LCK: variants seen among roughly 807,000 people sequenced by gnomAD.
LCK encodes LCK proto-oncogene, Src family tyrosine kinase.
A neutral mutation model predicts 64.6 loss-of-function variants in LCK; 14 were observed. The observed-to-expected ratio is 0.22, with a 90% CI of 0.14 to 0.34. The LOEUF (loss-of-function observed/expected upper bound fraction) is 0.34, where lower values mean the gene tolerates loss of function less well. Ranked by LOEUF, LCK falls within the 10% of genes least tolerant of loss-of-function variation. The pLI is 1.00. For synonymous variants in LCK, 277 were observed against 263.6 expected (o/e 1.05, Z -0.49); for missense variants, 434 against 668.1 (o/e 0.65, Z 3.86).
Position 32,275,829 on chromosome 1 carries a change from C to A in LCK, c.482-85C>A. The A allele has an allele frequency of 6.5e-7, 1 of 1,529,232 alleles. No homozygotes were observed. Among genetic ancestry groups the A allele is most frequent in the Non-Finnish European group, 8.9e-7 (1 of 1,127,936 alleles). 94.7% of individuals were successfully genotyped at this position (1,529,232 alleles called of 1,614,324 possible). On this transcript the variant is annotated intron_variant, in intron 6 of 12. Coordinates refer to ENST00000336890, the MANE Select transcript of LCK (RefSeq NM_005356.5). The surrounding 1 kb of genome is among the most constrained non-coding windows in gnomAD (Gnocchi z 6.9). ...GCGGGATGACCCGGAGTTGGGGGTGCTGGGTGAGCCCAAGGTGGGGGCGCG... is the reference window on the plus strand; with the variant it reads ...GCGGGATGACCCGGAGTTGGGGGTGATGGGTGAGCCCAAGGTGGGGGCGCG...
intron 12 of LCK, among the ~76,000 whole-genome samples, chr1:32,280,706 C>T (rs954972604): frequency 3.3e-5 from 5 of 152,012 alleles, no homozygotes; most frequent in East Asian, 1.9e-4. Context: ...TGGCCTGCCT[C>T]GGCCTCCCAG....
intron 1 of LCK, among the ~76,000 whole-genome samples, chr1:32,271,663 CA>C (rs1392477111): frequency 6.6e-6 from 1 of 152,182 alleles, no homozygotes; most frequent in African/African-American, 2.4e-5. Flanking sequence ...CACTTTATCT[CA>C]AAAATAAATC....
At chr1:32,273,929 C>T (rs568250327) in intron 1 of LCK, among the ~76,000 whole-genome samples, 2 of 152,176 alleles carry the variant, frequency 1.3e-5, no homozygotes, top group South Asian at 4.1e-4. Context: ...TCTGATAAGT[C>T]AGGTCTCTCC....
rs754552529 is a variant in LCK, at chr1:32,273,976, G to A, written c.-5-349G>A. On this transcript the variant is annotated intron_variant, in intron 1 of 12. Transcript: ENST00000336890. The stretch of plus-strand genomic sequence containing the variant: ...AAGTGTGTGTCATCTCTAGGAGGTG[G>A]TCCTCCCAACACAGGGTACTGGCAG... The A allele has an allele frequency of 4.4e-4, 149 of 337,872 alleles. 2 individuals carry two copies. The highest frequency in any genetic ancestry group is 2.0e-3 in the Middle Eastern group (2 of 1,024). 20.9% of individuals were successfully genotyped at this position (337,872 alleles called of 1,614,324 possible).
rs1421820342 is a variant in LCK at position 32,275,553 on chromosome 1, C to T, written c.378-16C>T. On this transcript the variant is annotated splice_polypyrimidine_tract_variant and intron_variant, in intron 5 of 12. Transcript: ENST00000336890. This position sits in a 1 kb window ranked among gnomAD's most constrained non-coding sequence, Gnocchi z 6.9. Reference sequence around the variant, plus strand: ...GACGACAGCCGACGGCCTTCGTTCGCTTCCGCCCTGCACAGCTGGTTCTTC... The same window carrying T: ...GACGACAGCCGACGGCCTTCGTTCGTTTCCGCCCTGCACAGCTGGTTCTTC... 3 of 1,562,944 alleles carry T rather than the reference C, an allele frequency of 1.9e-6. No individual in the cohort carries two copies. Among genetic ancestry groups the T allele is most frequent in the East Asian group, 2.4e-5 (1 of 42,006 alleles).
In LCK at chr1:32,275,042, T is replaced by A. The variant is rs1227459328; in HGVS notation, c.237T>A (p.Asp79Glu). 2 of 1,613,894 alleles carry A rather than the reference T, an allele frequency of 1.2e-6. No individual in the cohort carries two copies. The highest frequency in any genetic ancestry group is 2.2e-5 in the East Asian group (1 of 44,882). Residue 79 changes from aspartate (D) to glutamate (E), a missense_variant, in exon 4 of 13, where the codon GAT (aspartate) becomes GAA (glutamate). Transcript: ENST00000336890. This position sits in a 1 kb window ranked among gnomAD's most constrained non-coding sequence, Gnocchi z 6.9. Reference sequence around the variant, plus strand: ...GCTATGAGCCCTCTCACGACGGAGATCTGGGCTTTGAGAAGGGGGAACAGC... The same window carrying A: ...GCTATGAGCCCTCTCACGACGGAGAACTGGGCTTTGAGAAGGGGGAACAGC... ...LHSYEPSHDG[D>E]LGFEKGEQLR...
chr1:32,263,930 A>G (rs984583406), intron 1 of LCK, among the ~76,000 whole-genome samples: 6 of 151,896 alleles, frequency 4.0e-5, no homozygotes, highest in Non-Finnish European at 8.8e-5. Context: ...AAAAAAAAAG[A>G]AGAAGACCGG....
At chr1:32,274,711 C>G (rs1250173637) in intron 2 of LCK, 26 bp from the exon 3 acceptor site, 1 of 1,540,854 alleles carries the variant, frequency 6.5e-7, no homozygotes, top group African/African-American at 1.4e-5. Flanking sequence ...TGCTTTCTGA[C>G]CCCACCCTCA....
chr1:32,285,803 T>C lies in LCK; in HGVS notation c.*87T>C, dbSNP rs1244719527. 19 of 1,339,146 alleles carry C rather than the reference T, an allele frequency of 1.4e-5. No individual in the cohort carries two copies. The highest frequency in any genetic ancestry group is 1.9e-5 in the Non-Finnish European group (18 of 961,734). 83.0% of individuals were successfully genotyped at this position (1,339,146 alleles called of 1,614,324 possible). On this transcript the variant is annotated 3_prime_UTR_variant, in exon 13 of 13. Coordinates refer to ENST00000336890, the MANE Select transcript of LCK (RefSeq NM_005356.5). The stretch of plus-strand genomic sequence containing the variant: ...GTTCTTGTGCCATAGTCACATGGCC[T>C]ATGCACATATGGACTCTGCACATGA...
At chr1:32,264,881 A>C (rs1024308740) in intron 1 of LCK, among the ~76,000 whole-genome samples, 5 of 152,064 alleles carry the variant, frequency 3.3e-5, no homozygotes, top group African/African-American at 1.2e-4. Context: ...TACAGGTGTG[A>C]GTCACTGCAC....
intron 1 of LCK, among the ~76,000 whole-genome samples, chr1:32,252,636 T>C (rs1639535223): frequency 6.6e-6 from 1 of 152,130 alleles, no homozygotes; most frequent in Non-Finnish European, 1.5e-5. Context: ...CACCCAGCCC[T>C]ATGCTGACAG....
chr1:32,261,407 G>C (rs1639765306), intron 1 of LCK, among the ~76,000 whole-genome samples: 1 of 151,644 alleles, frequency 6.6e-6, no homozygotes, highest in South Asian at 2.1e-4. Flanking sequence ...CAGCACTTTG[G>C]GAGGCCGAGG....
At position 32,276,744 on chromosome 1, in the gene LCK, A is replaced by C; in HGVS notation, c.922A>C (p.Thr308Pro). The C allele has an allele frequency of 6.2e-7, 1 of 1,613,254 alleles. No individual in the cohort carries two copies. Among genetic ancestry groups the C allele is most frequent in the Non-Finnish European group, 8.5e-7 (1 of 1,179,578 alleles). The change falls in exon 9 of 13, where the codon ACC (threonine) becomes CCC (proline). Residue 308 changes from threonine (T) to proline (P), a missense_variant. This residue lies in a region of LCK where 201 missense variants were observed against 376.9 expected (regional missense o/e 0.53). Transcript: ENST00000336890. This position sits in a 1 kb window ranked among gnomAD's most constrained non-coding sequence, Gnocchi z 4.6. ...GCTGGTTCGGCTCTACGCTGTGGTC[A>C]CCCAGGAGCCCATCTACATCATCAC... ...QRLVRLYAVV[T>P]QEPIYIITEY...
rs749517753 is a variant in LCK, at chr1:32,275,422, A to G, written c.377+3A>G. 6.2e-7 allele frequency: 1 copy of G among 1,613,762 alleles called. No homozygotes were observed. The highest frequency in any genetic ancestry group is 8.5e-7 in the Non-Finnish European group (1 of 1,179,860). On this transcript the variant is annotated splice_donor_region_variant and intron_variant, in intron 5 of 12. Coordinates refer to ENST00000336890, the MANE Select transcript of LCK (RefSeq NM_005356.5). The surrounding 1 kb of genome is among the most constrained non-coding windows in gnomAD (Gnocchi z 6.9). The stretch of plus-strand genomic sequence containing the variant: ...GCGAACAGCCTGGAGCCCGAACCGT[A>G]AGTGGGGACCCGTCGTGGGGGTGGG...
intron 1 of LCK, among the ~76,000 whole-genome samples, chr1:32,263,929 G>C (rs932781651): frequency 1.3e-5 from 2 of 151,340 alleles, no homozygotes; most frequent in Admixed American, 6.6e-5. Context: ...AAAAAAAAAA[G>C]AAGAAGACCG....
In LCK at chr1:32,274,451, G is replaced by C. The variant is rs759101218; in HGVS notation, c.105+17G>C. ...AAGGGCACGGTAAGAGGCGAGACAG[G>C]GGCCTTGGTGAGGGAGTTGGGTAGA... On this transcript the variant is annotated intron_variant, in intron 2 of 12. Coordinates refer to ENST00000336890, the MANE Select transcript of LCK (RefSeq NM_005356.5). 2 of 1,594,104 alleles carry C rather than the reference G, an allele frequency of 1.3e-6. No homozygotes were observed. The highest frequency in any genetic ancestry group is 8.6e-7 in the Non-Finnish European group (1 of 1,166,456).
intron 12 of LCK, among the ~76,000 whole-genome samples, chr1:32,284,144 A>G (rs1331909489): frequency 2.0e-5 from 3 of 150,724 alleles, no homozygotes; most frequent in Non-Finnish European, 4.4e-5. Context: ...TGGCCTCCCA[A>G]AGTGTTGGGA....
chr1:32,260,886 T>C (rs976871468), intron 1 of LCK, among the ~76,000 whole-genome samples: 2 of 152,108 alleles, frequency 1.3e-5, no homozygotes, highest in Admixed American at 6.6e-5. Context: ...CCTTCCAAAA[T>C]GTTGAGATTA....
intron 1 of LCK, among the ~76,000 whole-genome samples, chr1:32,268,813 CAAAA>C (rs1203257987): frequency 5.6e-5 from 3 of 53,276 alleles, no homozygotes; most frequent in Non-Finnish European, 7.8e-5. Flanking sequence ...AACTCCGTCT[CAAAA>C]AAAAAAAAAA....
Sources: allele counts gnomAD v4.1 joint callset (sites outside exome capture counted in the v4.1 genomes callset), GRCh38; gene constraint gnomAD v4.1.1; regional missense constraint gnomAD v4.1.1; non-coding constraint Gnocchi (gnomAD v3.1); transcripts MANE v1.5; gene names NCBI Gene and HGNC (gene_info 2026-07-23, HGNC 2026-07-21).